Variants in ZNF655 observed in about 807,000 individuals in gnomAD.
The protein encoded by ZNF655 is Vav-interacting Kruppel-like protein 1.
ZNF655 carries 3 observed loss-of-function variants against 6.6 expected under a neutral mutation model. The observed-to-expected ratio is 0.46, with a 90% CI of 0.21 to 1.18. The LOEUF (loss-of-function observed/expected upper bound fraction) is 1.18. ZNF655 is among the 50% of genes most tolerant of loss of function. The pLI, the probability that ZNF655 is intolerant of heterozygous loss-of-function variation, is 0.24. For missense variants in ZNF655, 526 were observed against 572.3 expected, an observed-to-expected ratio of 0.92 and a Z score of 0.83; for synonymous variants, 178 against 195.0, an observed-to-expected ratio of 0.91 and a Z score of 0.73.
In ZNF655 at chr7:99,573,837, A is replaced by T. The variant is rs1179705526; in HGVS notation, c.*253A>T. 6 of 440,406 alleles carry T rather than the reference A, an allele frequency of 1.4e-5. No individual in the cohort carries two copies. The highest frequency in any genetic ancestry group is 7.9e-5 in the Admixed American group (2 of 25,410). 27.3% of individuals were successfully genotyped at this position (440,406 alleles called of 1,614,324 possible). A position where few individuals can be genotyped will look rare whatever the true frequency, so the allele number is the denominator to read the frequency against. ...AGTGAGAAATCTTACAAATGTATTG[A>T]ATGTGGCAAATTTTTCATGCTATTA... On this transcript the variant is annotated 3_prime_UTR_variant, in exon 3 of 3. Coordinates refer to ENST00000252713, the MANE Select transcript of ZNF655 (RefSeq NM_138494.3).
rs1238402648 is a variant in ZNF655, at chr7:99,572,817, G to C, written c.709G>C (p.Glu237Gln). 2.6e-5 allele frequency: 42 copies of C among 1,613,804 alleles called. No individual in the cohort carries two copies. Among genetic ancestry groups the C allele is most frequent in the Non-Finnish European group, 3.4e-5 (40 of 1,179,976 alleles). Residue 237 changes from glutamate (E) to glutamine (Q), a missense_variant, in exon 3 of 3, where the codon GAG becomes CAG. By Grantham distance (29) the Glu-to-Gln change is conservative (BLOSUM62 2). Coordinates refer to ENST00000252713, the MANE Select transcript of ZNF655 (RefSeq NM_138494.3). ...LTRHQRIHTR[E>Q]KPYKCKECEK... ...TAGACATCAGAGAATCCATACTAGA[G>C]AGAAGCCCTACAAATGTAAAGAATG...
At chr7:99,571,301 C>G (rs1409459616) in intron 2 of ZNF655, 123 of 1,288,830 alleles carry the variant, frequency 9.5e-5, no homozygotes, top group Non-Finnish European at 1.2e-4. Context: ...TCACCTTTCT[C>G]CAGTCCAGCA....
intron 2 of ZNF655, chr7:99,571,311 A>G: frequency 7.8e-7 from 1 of 1,288,180 alleles, no homozygotes; most frequent in Non-Finnish European, 1.0e-6. Context: ...CCAGTCCAGC[A>G]GAATTACATT....
intron 2 of ZNF655, among the ~76,000 whole-genome samples, chr7:99,566,017 TTA>T (rs1426177069): frequency 3.0e-4 from 41 of 138,586 alleles, no homozygotes; most frequent in African/African-American, 1.0e-3. Flanking sequence ...CATAGGACAT[TTA>T]TATGTGTGTG....
At chr7:99,564,785 T>C (rs1242047300) in intron 2 of ZNF655, 1 of 872,080 alleles carries the variant, frequency 1.1e-6, no homozygotes, top group African/African-American at 1.8e-5. Flanking sequence ...GACTGAACTT[T>C]ATCCCATTTC....
intron 2 of ZNF655, chr7:99,571,893 T>C: frequency 1.3e-6 from 1 of 743,514 alleles, no homozygotes; most frequent in Non-Finnish European, 2.2e-6. Context: ...GCTCTGTGTG[T>C]GTCCTAGCAT....
chr7:99,562,418 G>A lies in ZNF655; in HGVS notation c.136+1723G>A, dbSNP rs368640002. ...CTGTGCACCTTACTCGAGAGGAATG[G>A]GGATACCTGGACCCTGTTCAGAGGG... On this transcript the variant is annotated intron_variant, in intron 2 of 2. Transcript: ENST00000252713. 9.3e-6 allele frequency: 15 copies of A among 1,614,036 alleles called. No homozygotes were observed. The African/African-American group carries it at 1.2e-4, about 13-fold the overall frequency.
At chr7:99,570,046 A>G (rs1264293690) in intron 2 of ZNF655, among the ~76,000 whole-genome samples, 2 of 152,144 alleles carry the variant, frequency 1.3e-5, no homozygotes, top group East Asian at 3.9e-4. Flanking sequence ...TTTCTCTTAT[A>G]CCTTCGTACA....
At position 99,573,504 on chromosome 7, in the gene ZNF655, T is replaced by G. The variant is rs74709169; in HGVS notation, c.1396T>G (p.Cys466Gly). The change falls in exon 3 of 3, where the codon TGT becomes GGT. Residue 466 changes from cysteine to glycine, a missense_variant. Coordinates refer to ENST00000252713, the MANE Select transcript of ZNF655 (RefSeq NM_138494.3). Reference sequence around the variant, plus strand: ...CCTCACCAGACAGAAAGCCTTTGATTGTGATGTATGGGAAAAGAACTCCAG... The same window carrying G: ...CCTCACCAGACAGAAAGCCTTTGATGGTGATGTATGGGAAAAGAACTCCAG... ...EVLTRQKAFD[C>G]DVWEKNSSQR... The G allele has an allele frequency of 2.3e-3, 3,772 of 1,612,476 alleles. 68 individuals are homozygous for G. The African/African-American group carries it at 0.044, about 19-fold the overall frequency.
At chr7:99,567,914 C>T (rs1803754328) in intron 2 of ZNF655, among the ~76,000 whole-genome samples, 1 of 151,694 alleles carries the variant, frequency 6.6e-6, no homozygotes, top group South Asian at 2.1e-4. Flanking sequence ...CAAAAATTAG[C>T]TGGGCATGGT....
intron 2 of ZNF655, 61 bp downstream of exon 2, chr7:99,560,756 G>C: frequency 6.3e-7 from 1 of 1,585,078 alleles, no homozygotes; most frequent in South Asian, 1.1e-5. Context: ...TCCCGAGGGG[G>C]CTCCTGGGCC....
intron 2 of ZNF655, chr7:99,563,869 T>C (rs775121639): frequency 3.1e-6 from 5 of 1,610,850 alleles, no homozygotes; most frequent in East Asian, 4.5e-5. Flanking sequence ...GTAGGCATAC[T>C]TCTCCGCCTT....
At chr7:99,561,941 C>A (rs1229219702) in intron 2 of ZNF655, 4 of 1,596,798 alleles carry the variant, frequency 2.5e-6, no homozygotes, top group Non-Finnish European at 2.6e-6. Context: ...CCCAGGAGAC[C>A]AGGCAGCTGC....
Position 99,573,330 on chromosome 7 carries a change from C to G in ZNF655, c.1222C>G (p.His408Asp), listed in dbSNP as rs757092547. Residue 408 changes from histidine (H) to aspartate (D), a missense_variant, in exon 3 of 3, where the codon CAT becomes GAT. Transcript: ENST00000252713. ...HQRIHTGEKA[H>D]ECNECGKAFS... is the part of the protein sequence containing the mutation. ...AAGAATTCACACAGGAGAGAAAGCA[C>G]ATGAATGTAATGAATGTGGAAAAGC... The G allele has an allele frequency of 4.3e-5, 69 of 1,614,004 alleles. No homozygotes were observed. The highest frequency in any genetic ancestry group is 1.6e-4 in the Middle Eastern group (1 of 6,084).
Position 99,574,686 on chromosome 7 carries a change from T to C in ZNF655, c.*1102T>C, listed in dbSNP as rs1804298512. ...CAGTATTAAAACACATCGACGTAAG[T>C]AGCTCATTTAGCTTTTTCTGCTGTT... On this transcript the variant is annotated 3_prime_UTR_variant, in exon 3 of 3. Coordinates refer to ENST00000252713, the MANE Select transcript of ZNF655 (RefSeq NM_138494.3). The C allele has an allele frequency of 6.6e-6, 1 of 152,264 alleles. No homozygotes were observed. The allele number at this position is 152,264 out of a possible 1,614,324, so 9.4% of individuals were successfully genotyped here.
At chr7:99,568,391 C>G (rs72494447) in intron 2 of ZNF655, among the ~76,000 whole-genome samples, 10,403 of 150,998 alleles carry the variant, frequency 0.069, 727 homozygotes, top group East Asian at 0.3. Context: ...GCTGGGACTA[C>G]AGGCACCCGC....
intron 2 of ZNF655, chr7:99,564,160 G>A: frequency 2.1e-6 from 3 of 1,460,780 alleles, no homozygotes; most frequent in Non-Finnish European, 2.7e-6. Flanking sequence ...AAATGTTAGG[G>A]TCCAAGGAAG....
At chr7:99,571,683 A>G in intron 2 of ZNF655, 1 of 1,602,456 alleles carries the variant, frequency 6.2e-7, no homozygotes, top group South Asian at 1.1e-5. Flanking sequence ...CTTCTCTATG[A>G]GCAGGATTTC....
intron 2 of ZNF655, chr7:99,571,470 T>C (rs1804064998): frequency 7.8e-7 from 1 of 1,280,108 alleles, no homozygotes; most frequent in Non-Finnish European, 1.0e-6. Context: ...TGAATCCTTC[T>C]GCTCCCAAGT....
Sources: gnomAD v4.1 joint callset for allele counts (sites outside exome capture counted in the v4.1 genomes callset) on GRCh38, gnomAD v4.1.1 for gene constraint, MANE v1.5 for transcripts, NCBI Gene and HGNC (gene_info 2026-07-23, HGNC 2026-07-21) for gene names.